Variants in SPON1 observed in about 807,000 individuals in gnomAD.
The protein encoded by SPON1 is spondin-1.
Under a neutral mutation model 111.7 loss-of-function variants are expected in SPON1, and 52 were observed. The ratio of observed to expected loss-of-function variants is 0.47; its 90% CI spans 0.37 to 0.59. The LOEUF (loss-of-function observed/expected upper bound fraction) is 0.59. Ranked by LOEUF, SPON1 falls within the 20% of genes least tolerant of loss-of-function variation. The pLI is 0.00. For synonymous variants in SPON1, 410 were observed against 395.8 expected (o/e 1.04, Z -0.43); for missense variants, 957 against 1,068.5 (o/e 0.90, Z 1.46).
intron 1 of SPON1, among the ~76,000 whole-genome samples, chr11:13,967,359 A>G (rs1338385127): frequency 6.6e-6 from 1 of 152,216 alleles, no homozygotes; most frequent in Non-Finnish European, 1.5e-5. Flanking sequence ...CTACAAAGTA[A>G]TATAAAGTGA....
intron 1 of SPON1, among the ~76,000 whole-genome samples, chr11:13,972,288 G>A (rs1033638867): frequency 5.9e-5 from 9 of 152,180 alleles, no homozygotes; most frequent in African/African-American, 2.2e-4. Context: ...TGAGCTTGCA[G>A]CCAACTCAAA....
intron 5 of SPON1, among the ~76,000 whole-genome samples, chr11:14,123,988 CTTA>C (rs1554926773): frequency 9.9e-5 from 15 of 152,224 alleles, no homozygotes; most frequent in African/African-American, 3.1e-4. Context: ...GTGCCACTTA[CTTA>C]ATCAGAGTCA....
chr11:14,235,695 AAAAAAAAAAAAAGT>A (rs1447268452), intron 6 of SPON1, among the ~76,000 whole-genome samples: 1 of 151,304 alleles, frequency 6.6e-6, no homozygotes, highest in African/African-American at 2.4e-5. Flanking sequence ...AAAAAAAAAA[AAAAAAAAAAAAAGT>A]AAGCAAAATG....
chr11:14,229,950 CCGTGTGTG>C (rs1338985202), intron 6 of SPON1, among the ~76,000 whole-genome samples: 2 of 94,506 alleles, frequency 2.1e-5, no homozygotes, highest in Non-Finnish European at 4.0e-5. Context: ...GTCTGTGTGT[CCGTGTGTG>C]TGTGTGTGTG....
chr11:14,127,678 A>T (rs782694346), intron 5 of SPON1, among the ~76,000 whole-genome samples: 30 of 152,236 alleles, frequency 2.0e-4, no homozygotes, highest in Non-Finnish European at 3.7e-4. Flanking sequence ...TTGAGCGTTT[A>T]ATGAGATAAC....
intron 5 of SPON1, among the ~76,000 whole-genome samples, chr11:14,102,750 G>A (rs1849153930): frequency 6.6e-6 from 1 of 152,160 alleles, no homozygotes; most frequent in African/African-American, 2.4e-5. Context: ...GCTGTCTGAT[G>A]CTTTCTCATA....
At chr11:13,982,722 C>T (rs1178257388) in intron 1 of SPON1, 125 bp from the exon 2 acceptor site, 10 of 678,706 alleles carry the variant, frequency 1.5e-5, no homozygotes, top group Non-Finnish European at 2.6e-5. Context: ...AAGGCCTCAA[C>T]ACTGTCCACG....
chr11:13,985,859 G>A (rs1437073591), intron 2 of SPON1, among the ~76,000 whole-genome samples: 2 of 152,080 alleles, frequency 1.3e-5, no homozygotes, highest in Admixed American at 1.3e-4. Flanking sequence ...CCCTACCCTT[G>A]TGCCATCAAA....
chr11:14,206,700 A>G lies in SPON1; in HGVS notation c.826-36632A>G, dbSNP rs533438051. On this transcript the variant is annotated intron_variant, in intron 6 of 15. Coordinates refer to ENST00000576479, the MANE Select transcript of SPON1 (RefSeq NM_006108.4). ...ATGGAGGTGAAGAAACTCTACAAGG[A>G]TAACTACAAAATACTACTCAAAGAA... Among the ~76,000 whole-genome samples the G allele has an allele frequency of 7.2e-4, 109 of 152,338 alleles. 1 individual carries two copies. Among genetic ancestry groups the G allele is most frequent in the African/African-American group, 2.5e-3 (105 of 41,590 alleles).
At chr11:14,256,530 G>A (rs1473110078) in intron 9 of SPON1, 87 bp from the exon 10 acceptor site, 21 of 870,110 alleles carry the variant, frequency 2.4e-5, no homozygotes, top group African/African-American at 1.5e-4. Flanking sequence ...ACAGAATGGC[G>A]ATTAGATTTT....
At chr11:13,984,840 T>A (rs1440920809) in intron 2 of SPON1, among the ~76,000 whole-genome samples, 1 of 152,216 alleles carries the variant, frequency 6.6e-6, no homozygotes, top group Non-Finnish European at 1.5e-5. Context: ...ATTTGCTGAA[T>A]GAGTGGATAA....
intron 6 of SPON1, among the ~76,000 whole-genome samples, chr11:14,172,144 A>G (rs868939734): frequency 6.6e-6 from 1 of 151,206 alleles, no homozygotes; most frequent in Non-Finnish European, 1.5e-5. Context: ...TTTGTAGGTC[A>G]CTAAGGACTT....
At chr11:14,076,339 C>T (rs1333268017) in intron 4 of SPON1, among the ~76,000 whole-genome samples, 9 of 152,108 alleles carry the variant, frequency 5.9e-5, no homozygotes, top group African/African-American at 2.2e-4. Context: ...AAATAATCCT[C>T]TCCAACTATA....
intron 7 of SPON1, among the ~76,000 whole-genome samples, chr11:14,246,084 AG>A (rs1554940232): frequency 6.6e-6 from 1 of 152,200 alleles, no homozygotes; most frequent in Non-Finnish European, 1.5e-5. Flanking sequence ...CTAAGTGGGC[AG>A]GGGATGAAAG....
At chr11:14,012,431 A>G (rs1554913823) in intron 2 of SPON1, among the ~76,000 whole-genome samples, 1 of 152,144 alleles carries the variant, frequency 6.6e-6, no homozygotes, top group East Asian at 1.9e-4. Flanking sequence ...GAACCAGATT[A>G]ACACCAGATT....
At chr11:14,036,162 A>G (rs1227096353) in intron 2 of SPON1, among the ~76,000 whole-genome samples, 14 of 152,232 alleles carry the variant, frequency 9.2e-5, no homozygotes, top group Admixed American at 8.5e-4. Flanking sequence ...TCTGAAAGCA[A>G]TGAAAAGCTG....
chr11:14,016,113 A>T (rs781923724), intron 2 of SPON1, among the ~76,000 whole-genome samples: 1 of 152,256 alleles, frequency 6.6e-6, no homozygotes, highest in Non-Finnish European at 1.5e-5. Context: ...CTCTGATGGC[A>T]GTTCCCTCTT....
At chr11:14,258,992 C>T (rs988890079) in intron 11 of SPON1, among the ~76,000 whole-genome samples, 1 of 152,156 alleles carries the variant, frequency 6.6e-6, no homozygotes, top group Non-Finnish European at 1.5e-5. Flanking sequence ...TATATCTTAT[C>T]TTAGATATAT....
rs368731526 is a variant in SPON1 at position 14,259,710 on chromosome 11, G to C, written c.1831+9G>C. 3 of 1,566,990 alleles carry C rather than the reference G, an allele frequency of 1.9e-6. No individual in the cohort carries two copies. The highest frequency in any genetic ancestry group is 2.6e-6 in the Non-Finnish European group (3 of 1,156,026). On this transcript the variant is annotated intron_variant, in intron 13 of 15. Coordinates refer to ENST00000576479, the MANE Select transcript of SPON1 (RefSeq NM_006108.4). This position sits in a 1 kb window ranked among gnomAD's most constrained non-coding sequence, Gnocchi z 5.0. ...CATGATGCCAGAGTGCCGTGAGTGA[G>C]AGCGGGGGTGGACTTGGAGGAGGCC...
Sources: gnomAD v4.1 joint callset for allele counts (sites outside exome capture counted in the v4.1 genomes callset) on GRCh38, gnomAD v4.1.1 for gene constraint, Gnocchi (gnomAD v3.1) non-coding constraint, MANE v1.5 for transcripts, NCBI Gene and HGNC (gene_info 2026-07-23, HGNC 2026-07-21) for gene names.